The following DKK3 variants were observed in gnomAD, a reference collection of about 807,000 sequenced individuals.
The protein encoded by DKK3 is dickkopf-related protein 3.
Under a neutral mutation model 33.2 loss-of-function variants are expected in DKK3, and 22 were observed. The ratio of observed to expected loss-of-function variants is 0.66; its 90% CI spans 0.47 to 0.95. The LOEUF (loss-of-function observed/expected upper bound fraction) is 0.95. DKK3 is among the 40% of genes least tolerant of loss of function. The probability of loss-of-function intolerance (pLI) is 0.00; values close to 1 mark genes in which losing one functional copy is unlikely to be tolerated. For synonymous variants in DKK3, 194 were observed against 188.8 expected (o/e 1.03, Z -0.23); for missense variants, 398 against 458.4 (o/e 0.87, Z 1.20).
rs148426562 is a variant in DKK3, at chr11:11,967,088, C to T, written c.539G>A (p.Arg180Gln). The T allele has an allele frequency of 3.4e-5, 55 of 1,613,296 alleles. No individual in the cohort carries two copies. In the Middle Eastern group the frequency reaches 5.2e-4, roughly 15 times the overall value. Residue 180 changes from arginine (R) to glutamine (Q), a missense_variant, in exon 5 of 7, where the codon CGG becomes CAG. Arg to Gln is a conservative substitution (Grantham distance 43). Coordinates refer to ENST00000683431, the MANE Select transcript of DKK3 (RefSeq NM_001018057.2). Reference protein sequence around the residue: ...PCRGQRMLCTRDSECCGDQLC... With the variant: ...PCRGQRMLCTQDSECCGDQLC... ...CTGGTCTCCACAGCACTCACTGTCC[C>T]GGGTGCAGAGCTGCAGACAGGTGGA...
In DKK3 at chr11:11,985,013, T is replaced by C. The variant is rs531087617; in HGVS notation, c.435+13683A>G. Among the ~76,000 whole-genome samples, 5 of 152,346 alleles carry C rather than the reference T, an allele frequency of 3.3e-5. No individual in the cohort carries two copies. The South Asian group carries it at 1.0e-3, about 32-fold the overall frequency. On this transcript the variant is annotated intron_variant, in intron 3 of 6. Coordinates refer to ENST00000683431, the MANE Select transcript of DKK3 (RefSeq NM_001018057.2). The stretch of plus-strand genomic sequence containing the variant: ...AATGTTTCAGTGGTGGAAAAACATA[T>C]GCTTTGACCTCATTTTGCTCACAAG...
intron 1 of DKK3, among the ~76,000 whole-genome samples, chr11:12,004,086 T>A (rs1848489624): frequency 6.6e-6 from 1 of 152,232 alleles, no homozygotes. Flanking sequence ...TATGTCTGAA[T>A]CGTTGCACCA....
chr11:11,989,705 A>C (rs183784796), intron 3 of DKK3, among the ~76,000 whole-genome samples: 2 of 152,330 alleles, frequency 1.3e-5, no homozygotes, highest in East Asian at 3.9e-4. Context: ...AACATTGTTA[A>C]GATGATATTT....
At chr11:11,978,707 TG>T (rs1468886065) in intron 3 of DKK3, 2 of 152,190 alleles carry the variant, frequency 1.3e-5, no homozygotes, top group Non-Finnish European at 2.9e-5. Context: ...GAAAAGCCTC[TG>T]GATTGTGTAT....
At position 11,968,526 on chromosome 11, in the gene DKK3, G is replaced by C. The variant is rs776444511; in HGVS notation, c.436-39C>G. 7 of 1,582,426 alleles carry C rather than the reference G, an allele frequency of 4.4e-6. No individual in the cohort carries two copies. In the Admixed American group the frequency reaches 8.5e-5, roughly 19 times the overall value. On this transcript the variant is annotated intron_variant, in intron 3 of 6. Coordinates refer to ENST00000683431, the MANE Select transcript of DKK3 (RefSeq NM_001018057.2). ...CAGGGAGCAGATGTGTCAATGGAGAGCAGAGCAGCAGGCCCACAGTGCCCA... is the reference window on the plus strand; with the variant it reads ...CAGGGAGCAGATGTGTCAATGGAGACCAGAGCAGCAGGCCCACAGTGCCCA...
intron 3 of DKK3, among the ~76,000 whole-genome samples, chr11:11,995,997 T>C (rs902970193): frequency 8.5e-5 from 13 of 152,358 alleles, no homozygotes; most frequent in African/African-American, 2.9e-4. Context: ...TACATATTAA[T>C]ACACATTCCA....
rs200377619 is a variant in DKK3 at position 11,967,028 on chromosome 11, G to C, written c.599C>G (p.Thr200Ser). The C allele has an allele frequency of 6.2e-7, 1 of 1,614,020 alleles. No homozygotes were observed. The highest frequency in any genetic ancestry group is 8.5e-7 in the Non-Finnish European group (1 of 1,180,028). Residue 200 changes from threonine (T) to serine (S), a missense_variant, in exon 5 of 7, where the codon ACC (threonine) becomes AGC (serine). By Grantham distance (58) the Thr-to-Ser change is moderately conservative. Transcript: ENST00000683431. ...CVWGHCTKMA[T>S]RGSNGTICDN... ...ACAGATGGTCCCATTGCTGCCCCTGGTGGCCATTTTGGTGCAGTGACCCCA... is the reference window on the plus strand; with the variant it reads ...ACAGATGGTCCCATTGCTGCCCCTGCTGGCCATTTTGGTGCAGTGACCCCA...
At chr11:11,997,656 C>G (rs1181062314) in intron 3 of DKK3, among the ~76,000 whole-genome samples, 1 of 152,122 alleles carries the variant, frequency 6.6e-6, no homozygotes, top group Non-Finnish European at 1.5e-5. Flanking sequence ...TGCACAGTTC[C>G]TCCCCCCACC....
chr11:11,974,913 AG>A (rs1847800285), intron 3 of DKK3, among the ~76,000 whole-genome samples: 2 of 152,258 alleles, frequency 1.3e-5, no homozygotes, highest in African/African-American at 4.8e-5. Context: ...GAAAAAAAAA[AG>A]AATAACAGAA....
intron 3 of DKK3, among the ~76,000 whole-genome samples, chr11:11,983,916 A>G (rs1848009318): frequency 6.6e-6 from 1 of 152,198 alleles, no homozygotes; most frequent in Non-Finnish European, 1.5e-5. Flanking sequence ...GATTCAAACC[A>G]CCTGAATGGG....
At chr11:11,967,130 C>A (rs767301375) in intron 4 of DKK3, 32 bp from the exon 5 acceptor site, 3 of 1,605,588 alleles carry the variant, frequency 1.9e-6, no homozygotes, top group African/African-American at 1.3e-5. Flanking sequence ...CTAGAGCCAG[C>A]GGCTTAGGGA....
chr11:11,964,306 C>A lies in DKK3; in HGVS notation c.*158G>T. On this transcript the variant is annotated 3_prime_UTR_variant, in exon 7 of 7. Coordinates refer to ENST00000683431, the MANE Select transcript of DKK3 (RefSeq NM_001018057.2). ...AAGCCTGGAGAACAGCCTGGGGGAG[C>A]TGAACAAATGCACAACACCTCATGC... The A allele has an allele frequency of 3.2e-6, 3 of 947,526 alleles. No individual in the cohort carries two copies. The highest frequency in any genetic ancestry group is 1.6e-5 in the South Asian group (1 of 62,130). 58.7% of individuals were successfully genotyped at this position (947,526 alleles called of 1,614,324 possible).
intron 1 of DKK3, among the ~76,000 whole-genome samples, chr11:12,004,861 G>A (rs1258313699): frequency 6.6e-6 from 1 of 152,214 alleles, no homozygotes; most frequent in African/African-American, 2.4e-5. Flanking sequence ...TGAAGGGAAT[G>A]GGTAGCTAGA....
intron 4 of DKK3, 41 bp from the exon 5 acceptor site, chr11:11,967,139 G>T: frequency 6.2e-7 from 1 of 1,601,318 alleles, no homozygotes; most frequent in Non-Finnish European, 8.5e-7. Context: ...GCGGCTTAGG[G>T]ACTGGGGGCC....
At chr11:12,000,597 C>T (rs1299978227) in intron 2 of DKK3, among the ~76,000 whole-genome samples, 1 of 151,938 alleles carries the variant, frequency 6.6e-6, no homozygotes, top group Admixed American at 6.6e-5. Flanking sequence ...CCTCTGCTTC[C>T]AGGTTCAAGT....
chr11:11,982,492 C>T (rs919601002), intron 3 of DKK3, among the ~76,000 whole-genome samples: 1 of 152,208 alleles, frequency 6.6e-6, no homozygotes, highest in African/African-American at 2.4e-5. Context: ...GTGCAAATAG[C>T]ACTCTGGCTC....
chr11:11,982,693 G>A (rs2135043949), intron 3 of DKK3, among the ~76,000 whole-genome samples: 1 of 152,262 alleles, frequency 6.6e-6, no homozygotes, highest in East Asian at 1.9e-4. Flanking sequence ...GGAGAGCACA[G>A]CCAGTCCTCG....
At chr11:11,976,753 G>T (rs938915492) in intron 3 of DKK3, among the ~76,000 whole-genome samples, 1 of 152,230 alleles carries the variant, frequency 6.6e-6, no homozygotes, top group African/African-American at 2.4e-5. Flanking sequence ...TAGCAACAGT[G>T]CCCTGAGGAA....
In DKK3 at chr11:11,964,092, T is replaced by C; in HGVS notation, c.*372A>G. 4.5e-6 allele frequency: 1 copy of C among 222,712 alleles called. No individual in the cohort carries two copies. Among genetic ancestry groups the C allele is most frequent in the South Asian group, 1.1e-4 (1 of 8,812 alleles). The allele number at this position is 222,712 out of a possible 1,614,324, so 13.8% of individuals were successfully genotyped here. ...CAAAGCAGGGCACTCTTCTCCACAT[T>C]TCCCCAAAACCAATCAGAGGGAGAC... On this transcript the variant is annotated 3_prime_UTR_variant, in exon 7 of 7. Transcript: ENST00000683431.
Sources: allele counts gnomAD v4.1 joint callset (sites outside exome capture counted in the v4.1 genomes callset), GRCh38; gene constraint gnomAD v4.1.1; transcripts MANE v1.5; gene names NCBI Gene and HGNC (gene_info 2026-07-23, HGNC 2026-07-21).